The following RAPGEF6 variants were observed in gnomAD, a reference collection of about 807,000 sequenced individuals.
RAPGEF6 encodes PDZ domain containing guanine nucleotide exchange factor (GEF) 2.
In RAPGEF6, 56 loss-of-function variants were observed where a neutral mutation model predicts 171.4. The observed-to-expected ratio is 0.33, with a 90% confidence interval of 0.26 to 0.41. The LOEUF (loss-of-function observed/expected upper bound fraction) is 0.41. Among genes scored for constraint, RAPGEF6 ranks in the 10% least tolerant of loss-of-function variants. The probability of loss-of-function intolerance (pLI) is 1.00; values close to 1 mark genes in which losing one functional copy is unlikely to be tolerated. For synonymous variants in RAPGEF6, 692 were observed against 650.1 expected (o/e 1.06, Z -0.98); for missense variants, 1,674 against 1,921.4 (o/e 0.87, Z 2.41).
intron 1 of RAPGEF6, among the ~76,000 whole-genome samples, chr5:131,615,699 C>T (rs1026743706): frequency 2.6e-5 from 4 of 151,904 alleles, no homozygotes; most frequent in South Asian, 2.1e-4. Context: ...AAGGAGTTCA[C>T]GACCAGCCTG....
Position 131,446,733 on chromosome 5 carries a change from G to T in RAPGEF6, c.3201-30C>A, listed in dbSNP as rs370844120. The T allele has an allele frequency of 5.7e-6, 9 of 1,573,640 alleles. No individual in the cohort carries two copies. In the African/African-American group the frequency reaches 9.5e-5, roughly 17 times the overall value. ...AAGAAGATGAAAATCACAATAAGGG[G>T]CTATAGAGATGAGAACTAAGCATAG... On this transcript the variant is annotated intron_variant, in intron 21 of 27. Transcript: ENST00000509018.
chr5:131,502,705 G>A (rs766632823), intron 11 of RAPGEF6, among the ~76,000 whole-genome samples: 1 of 152,202 alleles, frequency 6.6e-6, no homozygotes, highest in Non-Finnish European at 1.5e-5. Context: ...ACAACTAAAT[G>A]CAACTGTGTT....
chr5:131,554,134 T>C lies in RAPGEF6; in HGVS notation c.352-5944A>G, dbSNP rs80183340. ...GTCTGACTCCTCAAAATACGATGAATGTAAAAAAATAGAATGTATTAATTG... is the reference window on the plus strand; with the variant it reads ...GTCTGACTCCTCAAAATACGATGAACGTAAAAAAATAGAATGTATTAATTG... On this transcript the variant is annotated intron_variant, in intron 5 of 27. Coordinates refer to ENST00000509018, the MANE Select transcript of RAPGEF6 (RefSeq NM_016340.6). Among the ~76,000 whole-genome samples the C allele has an allele frequency of 6.3e-4, 96 of 152,146 alleles. 1 individual carries two copies. The East Asian group carries it at 0.018, about 29-fold the overall frequency.
chr5:131,533,716 G>A (rs1470566709), intron 6 of RAPGEF6, among the ~76,000 whole-genome samples: 1 of 151,710 alleles, frequency 6.6e-6, no homozygotes, highest in African/African-American at 2.4e-5. Flanking sequence ...ACTTCTTTGA[G>A]AAAGAATAAT....
At chr5:131,558,624 T>C (rs898424267) in intron 5 of RAPGEF6, among the ~76,000 whole-genome samples, 3 of 152,326 alleles carry the variant, frequency 2.0e-5, no homozygotes, top group South Asian at 4.1e-4. Flanking sequence ...CAAGAAAGGC[T>C]TACGCTGAAT....
At chr5:131,560,095 A>T (rs1455436893) in intron 5 of RAPGEF6, among the ~76,000 whole-genome samples, 2 of 152,218 alleles carry the variant, frequency 1.3e-5, no homozygotes. Context: ...TATACCAATC[A>T]TCAATAAATT....
At chr5:131,478,036 A>G (rs1755228536) in intron 16 of RAPGEF6, among the ~76,000 whole-genome samples, 1 of 150,658 alleles carries the variant, frequency 6.6e-6, no homozygotes, top group African/African-American at 2.5e-5. Context: ...GCTACAGTAC[A>G]CTTGACATTC....
intron 1 of RAPGEF6, among the ~76,000 whole-genome samples, chr5:131,630,610 A>T (rs1052880029): frequency 6.6e-6 from 1 of 152,238 alleles, no homozygotes; most frequent in African/African-American, 2.4e-5. Flanking sequence ...AGCTGAATCT[A>T]TAAGTAGGAG....
In RAPGEF6 at chr5:131,442,468, G is replaced by A; in HGVS notation, c.3491C>T (p.Ala1164Val). ...CAAGTGGGCTTTAGTTGTTTGGCCA[G>A]CTGACCTCATAGGCACTGGAGACAT... ...SEMSPVPMRSAGQTTKAHLHQ... is the reference protein window; with the variant it reads ...SEMSPVPMRSVGQTTKAHLHQ... Residue 1164 changes from alanine to valine, a missense_variant, in exon 23 of 28, where the codon GCT becomes GTT. Physicochemically the swap from Ala to Val is moderately conservative, Grantham distance 64 (BLOSUM62 0). This residue lies in a region of RAPGEF6 where 552 missense variants were observed against 574.2 expected (regional missense o/e 0.96). Coordinates refer to ENST00000509018, the MANE Select transcript of RAPGEF6 (RefSeq NM_016340.6). 6.2e-7 allele frequency: 1 copy of A among 1,614,152 alleles called. No individual in the cohort carries two copies. The highest frequency in any genetic ancestry group is 1.1e-5 in the South Asian group (1 of 91,086).
intron 20 of RAPGEF6, 70 bp from the exon 21 acceptor site, chr5:131,453,247 G>C: frequency 2.7e-6 from 4 of 1,493,060 alleles, no homozygotes; most frequent in Non-Finnish European, 3.6e-6. Context: ...AAGTCAAGCT[G>C]GTAATCTTGA....
At chr5:131,530,738 A>T (rs949614778) in intron 6 of RAPGEF6, among the ~76,000 whole-genome samples, 1 of 152,196 alleles carries the variant, frequency 6.6e-6, no homozygotes, top group Non-Finnish European at 1.5e-5. Flanking sequence ...TGACTCTTCC[A>T]TATTTGTTAA....
At chr5:131,439,851 G>C in intron 23 of RAPGEF6, 136 bp from the exon 24 acceptor site, 1 of 1,387,096 alleles carries the variant, frequency 7.2e-7, no homozygotes, top group South Asian at 1.5e-5. Context: ...ATGACAAACA[G>C]GGACTAAATG....
intron 4 of RAPGEF6, among the ~76,000 whole-genome samples, chr5:131,586,549 T>G (rs772616210): frequency 2.9e-4 from 44 of 152,164 alleles, no homozygotes; most frequent in Non-Finnish European, 6.0e-4. Context: ...GAGAATTGCT[T>G]GAACCTGGGA....
intron 1 of RAPGEF6, among the ~76,000 whole-genome samples, chr5:131,630,156 C>T (rs1766209699): frequency 6.6e-6 from 1 of 152,206 alleles, no homozygotes; most frequent in African/African-American, 2.4e-5. Flanking sequence ...GTCACAGCCA[C>T]CCCAATCTTC....
At chr5:131,563,519 G>C (rs767816876) in intron 4 of RAPGEF6, among the ~76,000 whole-genome samples, 3 of 151,862 alleles carry the variant, frequency 2.0e-5, no homozygotes, top group Admixed American at 6.6e-5. Flanking sequence ...TTTTTTCTTC[G>C]AGACAGCATC....
At chr5:131,609,063 C>G (rs1005287796) in intron 1 of RAPGEF6, among the ~76,000 whole-genome samples, 19 of 152,212 alleles carry the variant, frequency 1.2e-4, no homozygotes, top group African/African-American at 4.6e-4. Context: ...GCTGAGATTA[C>G]AGGCGTGAGC....
At chr5:131,486,552 T>C (rs1445402670) in intron 15 of RAPGEF6, among the ~76,000 whole-genome samples, 1 of 152,156 alleles carries the variant, frequency 6.6e-6, no homozygotes, top group African/African-American at 2.4e-5. Flanking sequence ...TTCTTTTAGA[T>C]ATCCTGGAAT....
At chr5:131,489,332 C>T (rs1038746718) in intron 15 of RAPGEF6, among the ~76,000 whole-genome samples, 2 of 152,090 alleles carry the variant, frequency 1.3e-5, no homozygotes, top group African/African-American at 4.8e-5. Context: ...TAGCTGTACA[C>T]CTATTTTAAA....
At chr5:131,494,874 T>G (rs1488049077) in intron 13 of RAPGEF6, among the ~76,000 whole-genome samples, 1 of 152,280 alleles carries the variant, frequency 6.6e-6, no homozygotes, top group East Asian at 1.9e-4. Flanking sequence ...ATCAGTGACC[T>G]AGGTGACTTT....
Sources: allele counts gnomAD v4.1 joint callset (sites outside exome capture counted in the v4.1 genomes callset), GRCh38; gene constraint gnomAD v4.1.1; regional missense constraint gnomAD v4.1.1; transcripts MANE v1.5; gene names NCBI Gene and HGNC (gene_info 2026-07-23, HGNC 2026-07-21).